Variants in PPP1R11 observed in about 807,000 individuals in gnomAD.
The protein encoded by PPP1R11 is protein phosphatase 1 regulatory inhibitor subunit 11, also known as E3 ubiquitin-protein ligase PPP1R11.
In PPP1R11, 10 loss-of-function variants were observed where a neutral mutation model predicts 11.3. The observed-to-expected ratio is 0.88, with a 90% CI of 0.55 to 1.50. The LOEUF (loss-of-function observed/expected upper bound fraction) is 1.50. Among genes scored for constraint, PPP1R11 ranks in the 40% most tolerant of loss-of-function variants. PPP1R11 has a pLI of 0.00. For synonymous variants in PPP1R11, 56 were observed against 62.3 expected, an observed-to-expected ratio of 0.90 and a Z score of 0.48; for missense variants, 114 against 179.1, an observed-to-expected ratio of 0.64 and a Z score of 2.07.
chr6:30,064,292 CAA>C (rs372351529), upstream of PPP1R11, among the ~76,000 whole-genome samples: 1 of 143,978 alleles, frequency 6.9e-6, no homozygotes. Flanking sequence ...GTCATTTTAC[CAA>C]AAAAAAAAAA....
At chr6:30,067,009 T>A (rs1190704559), upstream of PPP1R11, 1 of 196,228 alleles carries the variant, frequency 5.1e-6, no homozygotes, top group Non-Finnish European at 1.1e-5. Flanking sequence ...TCCTCTAGGC[T>A]GTGAGTACGC....
chr6:30,069,136 G>A lies in PPP1R11; in HGVS notation c.211G>A (p.Gly71Ser). ...CCIYEKPRAF[G>S]ESSTESDEEE... is the part of the protein sequence containing the mutation. Reference sequence around the variant, plus strand: ...TATTTATGAGAAACCTCGGGCCTTTGGCGAGAGCTCCACGGAAAGTGATGA... The same window carrying A: ...TATTTATGAGAAACCTCGGGCCTTTAGCGAGAGCTCCACGGAAAGTGATGA... The change falls in exon 3 of 3, where the codon GGC (glycine) becomes AGC (serine). Residue 71 changes from glycine (G) to serine (S), a missense_variant. By Grantham distance (56) the Gly-to-Ser change is moderately conservative. Coordinates refer to ENST00000376772, the MANE Select transcript of PPP1R11 (RefSeq NM_021959.3). This position sits in a 1 kb window ranked among gnomAD's most constrained non-coding sequence, Gnocchi z 6.6. 2 of 1,612,204 alleles carry A rather than the reference G, an allele frequency of 1.2e-6. No individual in the cohort carries two copies. The highest frequency in any genetic ancestry group is 1.7e-6 in the Non-Finnish European group (2 of 1,179,406).
rs773875521 is a variant in PPP1R11, at chr6:30,069,083, G to A, written c.179-21G>A. 1 of 1,560,754 alleles carries A rather than the reference G, an allele frequency of 6.4e-7. No homozygotes were observed. The highest frequency in any genetic ancestry group is 1.1e-5 in the South Asian group (1 of 89,946). On this transcript the variant is annotated intron_variant, in intron 2 of 2. Transcript: ENST00000376772. This position sits in a 1 kb window ranked among gnomAD's most constrained non-coding sequence, Gnocchi z 6.6. The stretch of plus-strand genomic sequence containing the variant: ...TCTTACCCTTCCTCCTCTTTAACTG[G>A]GCTCCTCCCTCTAAATCTAGGCTGC...
At chr6:30,068,768 A>G in intron 2 of PPP1R11, 70 bp downstream of exon 2, 1 of 1,351,850 alleles carries the variant, frequency 7.4e-7, no homozygotes, top group Non-Finnish European at 1.0e-6. Context: ...ATCTACTCAT[A>G]TCCACTGGCT....
upstream of PPP1R11, among the ~76,000 whole-genome samples, chr6:30,066,336 T>TA (rs1342662187): frequency 6.6e-6 from 1 of 152,182 alleles, no homozygotes; most frequent in Admixed American, 6.5e-5. Flanking sequence ...GCTGCTCTTC[T>TA]AAAAAAACCT....
upstream of PPP1R11, chr6:30,061,805 C>G: frequency 6.4e-7 from 1 of 1,553,062 alleles, no homozygotes; most frequent in African/African-American, 1.4e-5. The surrounding 1 kb of genome is among the most constrained non-coding windows in gnomAD (Gnocchi z 5.0). Context: ...GCGATGAAAA[C>G]TGAGGGAAAG....
chr6:30,065,081 A>G (rs555794592), upstream of PPP1R11, among the ~76,000 whole-genome samples: 2 of 152,326 alleles, frequency 1.3e-5, no homozygotes, highest in South Asian at 2.1e-4. This position sits in a 1 kb window ranked among gnomAD's most constrained non-coding sequence, Gnocchi z 5.3. Context: ...ATTTAAATCT[A>G]TTTGGTTCCT....
chr6:30,064,701 T>C (rs752462408), upstream of PPP1R11: 1 of 1,608,986 alleles, frequency 6.2e-7, no homozygotes, highest in East Asian at 2.3e-5. Context: ...CTCTTGACCT[T>C]TTTCCTGGGC....
At chr6:30,062,445 G>T, upstream of PPP1R11, 2 of 692,846 alleles carry the variant, frequency 2.9e-6, no homozygotes, top group Non-Finnish European at 5.1e-6. Flanking sequence ...CCTTATTTCT[G>T]TGCAGTTCTG....
chr6:30,068,734 C>A, intron 2 of PPP1R11, 36 bp downstream of exon 2: 1 of 1,555,412 alleles, frequency 6.4e-7, no homozygotes, highest in Admixed American at 1.7e-5. Flanking sequence ...CCCTGGAGTT[C>A]TGGCTCCCTT....
chr6:30,065,392 A>G (rs1380568312), upstream of PPP1R11, among the ~76,000 whole-genome samples: 1 of 152,214 alleles, frequency 6.6e-6, no homozygotes, highest in Non-Finnish European at 1.5e-5. The surrounding 1 kb of genome is among the most constrained non-coding windows in gnomAD (Gnocchi z 5.3). Context: ...AGCCTACTCA[A>G]CATGAAAATG....
At chr6:30,062,714 C>CTT (rs9278555), upstream of PPP1R11, among the ~76,000 whole-genome samples, 82 of 42,380 alleles carry the variant, frequency 1.9e-3, 3 homozygotes, top group African/African-American at 5.1e-3. Context: ...CCACGCCTGG[C>CTT]TTTTTTTTTT....
chr6:30,061,436 T>C, the PPP1R11 span: 1 of 1,496,718 alleles, frequency 6.7e-7, no homozygotes, highest in Non-Finnish European at 9.2e-7. This position sits in a 1 kb window ranked among gnomAD's most constrained non-coding sequence, Gnocchi z 5.0. Context: ...TACTCCTAGG[T>C]CCTGGGACAG....
the PPP1R11 span, chr6:30,061,366 C>A: frequency 1.4e-6 from 1 of 739,186 alleles, no homozygotes. This position sits in a 1 kb window ranked among gnomAD's most constrained non-coding sequence, Gnocchi z 5.0. Flanking sequence ...GAATTCCGGG[C>A]GTTTCGGCTC....
At chr6:30,064,769 T>A, upstream of PPP1R11, 1 of 1,366,100 alleles carries the variant, frequency 7.3e-7, no homozygotes, top group Non-Finnish European at 1.0e-6. Context: ...TTTAGATGCC[T>A]TGTCCATCCT....
At chr6:30,068,975 G>A (rs1765732663) in intron 2 of PPP1R11, 129 bp from the exon 3 acceptor site, 1 of 976,606 alleles carries the variant, frequency 1.0e-6, no homozygotes, top group Non-Finnish European at 1.5e-6. Context: ...CCCAGAGGGT[G>A]GGCCTGGGGA....
upstream of PPP1R11, among the ~76,000 whole-genome samples, chr6:30,062,978 G>T (rs1471486133): frequency 2.0e-5 from 3 of 151,732 alleles, no homozygotes; most frequent in Admixed American, 2.0e-4. Flanking sequence ...CGCAGTCAAG[G>T]TAGCTTTCTT....
At chr6:30,067,513 G>A in intron 1 of PPP1R11, 34 bp downstream of exon 1, 1 of 1,597,810 alleles carries the variant, frequency 6.3e-7, no homozygotes, top group Non-Finnish European at 8.6e-7. Flanking sequence ...CTGTTTAGGG[G>A]TCTGGGAGAT....
chr6:30,062,284 C>G (rs754548771), upstream of PPP1R11: 27 of 1,612,956 alleles, frequency 1.7e-5, no homozygotes, highest in Non-Finnish European at 8.5e-7. Context: ...CAGACAGATG[C>G]GTTCAGCCGA....
Sources: allele counts gnomAD v4.1 joint callset (sites outside exome capture counted in the v4.1 genomes callset), GRCh38; gene constraint gnomAD v4.1.1; non-coding constraint Gnocchi (gnomAD v3.1); transcripts MANE v1.5; gene names NCBI Gene and HGNC (gene_info 2026-07-23, HGNC 2026-07-21).